EYS: variants seen among roughly 807,000 people sequenced by gnomAD.
EYS encodes the protein EGF-like photoreceptor maintenance factor.
EYS carries 250 observed loss-of-function variants against 282.1 expected under a neutral mutation model. The observed-to-expected ratio is 0.89, with a 90% CI of 0.80 to 0.98. The LOEUF is 0.98. EYS is among the 50% of genes least tolerant of loss of function. The pLI, the probability that EYS is intolerant of heterozygous loss-of-function variation, is 0.00. For missense variants in EYS, 4,016 were observed against 3,709.0 expected (o/e 1.08, Z -2.15); for synonymous variants, 1,355 against 1,282.9 (o/e 1.06, Z -1.20).
At chr6:64,553,545 ACC>A (rs10541994) in intron 26 of EYS, among the ~76,000 whole-genome samples, 1,444 of 46,454 alleles carry the variant, frequency 0.031, 122 homozygotes, top group African/African-American at 0.076. Flanking sequence ...CTTTTGTTTG[ACC>A]CCCCCCCCCC....
chr6:64,658,157 G>T (rs549628037), intron 22 of EYS, among the ~76,000 whole-genome samples: 24 of 152,258 alleles, frequency 1.6e-4, no homozygotes, highest in African/African-American at 5.1e-4. Flanking sequence ...GGCTACTGAG[G>T]CTTGTGCATT....
intron 35 of EYS, among the ~76,000 whole-genome samples, chr6:63,896,126 C>T (rs1016771403): frequency 4.6e-5 from 7 of 152,104 alleles, no homozygotes; most frequent in African/African-American, 9.7e-5. Context: ...CAGTCTCCAA[C>T]GATTTTTTAA....
At chr6:65,591,043 G>C (rs1239058330) in intron 2 of EYS, among the ~76,000 whole-genome samples, 3 of 151,842 alleles carry the variant, frequency 2.0e-5, no homozygotes, top group Non-Finnish European at 2.9e-5. Flanking sequence ...ATTATTTGAG[G>C]GATCTCCATA....
chr6:64,376,892 G>T (rs1404882376), intron 29 of EYS, among the ~76,000 whole-genome samples: 1 of 152,034 alleles, frequency 6.6e-6, no homozygotes, highest in Non-Finnish European at 1.5e-5. Context: ...AATCAGCCCA[G>T]AACAGAAACC....
intron 19 of EYS, among the ~76,000 whole-genome samples, chr6:64,845,911 C>T (rs1765700940): frequency 6.6e-6 from 1 of 152,032 alleles, no homozygotes; most frequent in Admixed American, 6.6e-5. Context: ...GCTGCTTTAA[C>T]TAACTTTTTT....
chr6:63,953,592 T>C (rs1765689376), intron 35 of EYS, among the ~76,000 whole-genome samples: 1 of 152,208 alleles, frequency 6.6e-6, no homozygotes, highest in Admixed American at 6.5e-5. Flanking sequence ...CATGGTTAGG[T>C]ACTTCTGCCT....
At chr6:64,135,453 A>G (rs192907919) in intron 31 of EYS, among the ~76,000 whole-genome samples, 1 of 152,256 alleles carries the variant, frequency 6.6e-6, no homozygotes, top group East Asian at 1.9e-4. Context: ...GAAGGGATTT[A>G]AATAGACACT....
chr6:65,154,325 A>C (rs1475110877), intron 12 of EYS, among the ~76,000 whole-genome samples: 2 of 151,692 alleles, frequency 1.3e-5, no homozygotes, highest in African/African-American at 4.8e-5. Context: ...AGCAAAGAAA[A>C]GGTGGAAGGA....
chr6:65,266,989 T>TAGAGAGAGAGAG (rs1554173094), intron 12 of EYS, among the ~76,000 whole-genome samples: 19 of 142,126 alleles, frequency 1.3e-4, no homozygotes, highest in Admixed American at 7.9e-4. Context: ...TATATATATA[T>TAGAGAGAGAGAG]AGAGAGAGAG....
At chr6:64,994,373 A>G (rs1362393189) in intron 14 of EYS, among the ~76,000 whole-genome samples, 2 of 152,068 alleles carry the variant, frequency 1.3e-5, no homozygotes, top group African/African-American at 2.4e-5. Flanking sequence ...TCAAAAGAAA[A>G]TGCTGTAAAT....
intron 1 of EYS, among the ~76,000 whole-genome samples, chr6:65,687,407 A>C (rs1389047790): frequency 6.6e-6 from 1 of 152,102 alleles, no homozygotes; most frequent in Non-Finnish European, 1.5e-5. Context: ...ATTTAGGGAC[A>C]TATCAAGGTC....
intron 36 of EYS, among the ~76,000 whole-genome samples, chr6:63,840,820 C>A (rs555461154): frequency 6.6e-6 from 1 of 152,114 alleles, no homozygotes; most frequent in Non-Finnish European, 1.5e-5. Context: ...AATGTCCTTG[C>A]ATCTTTGTCA....
intron 1 of EYS, among the ~76,000 whole-genome samples, chr6:65,645,172 T>A (rs1767409610): frequency 6.6e-6 from 1 of 152,004 alleles, no homozygotes; most frequent in Admixed American, 6.6e-5. Context: ...GACTATACCC[T>A]ACAGCAAATG....
intron 2 of EYS, among the ~76,000 whole-genome samples, chr6:65,516,338 A>G (rs1361231209): frequency 1.3e-5 from 2 of 152,110 alleles, no homozygotes; most frequent in Non-Finnish European, 2.9e-5. Context: ...GTGGCTAGAC[A>G]AAGACCACTG....
At chr6:65,283,390 T>C (rs12191911) in intron 12 of EYS, among the ~76,000 whole-genome samples, 7,028 of 152,140 alleles carry the variant, frequency 0.046, 222 homozygotes, top group South Asian at 0.089. Flanking sequence ...AAATTAGTTT[T>C]ATATCTTACT....
chr6:65,323,538 A>G (rs374007167), intron 11 of EYS, among the ~76,000 whole-genome samples: 2 of 151,206 alleles, frequency 1.3e-5, no homozygotes, highest in African/African-American at 2.4e-5. Flanking sequence ...TATAGCCTTC[A>G]TATAAATTAT....
At chr6:64,540,933 TCTA>T (rs1243249930) in intron 26 of EYS, among the ~76,000 whole-genome samples, 1 of 152,206 alleles carries the variant, frequency 6.6e-6, no homozygotes, top group African/African-American at 2.4e-5. Flanking sequence ...AGAGATGCCT[TCTA>T]CTATGAAAAT....
intron 2 of EYS, among the ~76,000 whole-genome samples, chr6:65,548,967 G>A (rs535147802): frequency 4.6e-5 from 7 of 152,134 alleles, no homozygotes; most frequent in Non-Finnish European, 7.4e-5. Flanking sequence ...GTGGTTTCAG[G>A]ATGAAAGTGT....
intron 26 of EYS, among the ~76,000 whole-genome samples, chr6:64,505,230 C>G (rs148062904): frequency 1.2e-4 from 18 of 152,234 alleles, no homozygotes; most frequent in Non-Finnish European, 1.9e-4. Flanking sequence ...CTAGGCAATT[C>G]AGAGCTATGC....
Sources: gnomAD v4.1 joint callset for allele counts (sites outside exome capture counted in the v4.1 genomes callset) on GRCh38, gnomAD v4.1.1 for gene constraint, MANE v1.5 for transcripts, NCBI Gene and HGNC (gene_info 2026-07-23, HGNC 2026-07-21) for gene names.